Variants in PCF11 observed in about 807,000 individuals in gnomAD.
PCF11 encodes pre-mRNA cleavage complex 2 protein Pcf11.
A neutral mutation model predicts 166.1 loss-of-function variants in PCF11; 19 were observed. The observed-to-expected ratio is 0.11, with a 90% confidence interval of 0.08 to 0.17. The LOEUF is 0.17. Among genes scored for constraint, PCF11 ranks in the 10% least tolerant of loss-of-function variants. The pLI, the probability that PCF11 is intolerant of heterozygous loss-of-function variation, is 1.00. For missense variants in PCF11, 1,565 were observed against 1,855.5 expected, an observed-to-expected ratio of 0.84 and a Z score of 2.88; for synonymous variants, 663 against 644.1, an observed-to-expected ratio of 1.03 and a Z score of -0.44.
At chr11:83,183,182 G>C in intron 15 of PCF11, 109 bp downstream of exon 15, 1 of 625,664 alleles carries the variant, frequency 1.6e-6, no homozygotes, top group African/African-American at 2.0e-5. Flanking sequence ...TTAATATATT[G>C]AACTGTTTTT....
chr11:83,183,540 G>C (rs539800555), intron 15 of PCF11, among the ~76,000 whole-genome samples: 45 of 152,028 alleles, frequency 3.0e-4, no homozygotes, highest in Non-Finnish European at 5.7e-4. Context: ...GCCCAGGCTG[G>C]AGTGCAATGG....
chr11:83,184,488 A>C, intron 15 of PCF11, 191 bp from the exon 16 acceptor site: 1 of 563,012 alleles, frequency 1.8e-6, no homozygotes, highest in Non-Finnish European at 3.1e-6. Flanking sequence ...TGCTGAGTAC[A>C]TATTGAACGT....
exon 16 of PCF11, chr11:83,184,983 A>G: frequency 9.0e-6 from 7 of 776,188 alleles, no homozygotes; most frequent in South Asian, 3.8e-5. Context: ...ATATAGACAT[A>G]TCTATATAAA....
chr11:83,157,766 A>T, intron 1 of PCF11, 135 bp downstream of exon 1: 1 of 783,368 alleles, frequency 1.3e-6, no homozygotes, highest in Non-Finnish European at 2.1e-6. Flanking sequence ...CCTCCAACTC[A>T]GGCTCGGTCT....
exon 1 of PCF11, chr11:83,157,153 A>T: frequency 1.8e-6 from 1 of 570,314 alleles, no homozygotes; most frequent in Non-Finnish European, 3.1e-6. Flanking sequence ...GGTTGGGAAC[A>T]CAGACATTTT....
At position 83,167,821 on chromosome 11, in the gene PCF11, C is replaced by G; in HGVS notation, c.2092+316C>G. 1 of 1,333,150 alleles carries G rather than the reference C, an allele frequency of 7.5e-7. No individual in the cohort carries two copies. Among genetic ancestry groups the G allele is most frequent in the Non-Finnish European group, 9.8e-7 (1 of 1,017,978 alleles). 82.6% of individuals were successfully genotyped at this position (1,333,150 alleles called of 1,614,324 possible). ...AGAGCAAGACGTCTTTCTCCTATAT[C>G]TGGGAGTCGTACTTATGCTGAGAAT... On this transcript the variant is annotated intron_variant, in intron 7 of 15. Transcript: ENST00000298281. The surrounding 1 kb of genome is among the most constrained non-coding windows in gnomAD (Gnocchi z 4.2).
exon 5 of PCF11, chr11:83,166,133 C>T (rs773499633): frequency 1.3e-5 from 21 of 1,610,464 alleles, no homozygotes; most frequent in South Asian, 8.9e-5. Flanking sequence ...AGGATAAGAC[C>T]GATGGCAAAG....
intron 12 of PCF11, among the ~76,000 whole-genome samples, chr11:83,181,469 T>A (rs1269346003): frequency 6.6e-6 from 1 of 151,200 alleles, no homozygotes; most frequent in Non-Finnish European, 1.5e-5. Context: ...TCCAAGGCTT[T>A]GACCCCTGGA....
At chr11:83,186,394 TATG>T (rs1861292777) in exon 16 of PCF11, 1 of 152,244 alleles carries the variant, frequency 6.6e-6, no homozygotes, top group African/African-American at 2.4e-5. Context: ...TTGAATAGAT[TATG>T]ATGAGCCATT....
At position 83,167,922 on chromosome 11, in the gene PCF11, T is replaced by C. The variant is rs1283982833; in HGVS notation, c.2092+417T>C. On this transcript the variant is annotated intron_variant, in intron 7 of 15. Coordinates refer to ENST00000298281, the Ensembl canonical transcript of PCF11. The surrounding 1 kb of genome is among the most constrained non-coding windows in gnomAD (Gnocchi z 4.2). Reference sequence around the variant, plus strand: ...AGGTAGAAAAAGTTAAATCAGATTATGCCTATTGAATCACACAGCAGTGAA... The same window carrying C: ...AGGTAGAAAAAGTTAAATCAGATTACGCCTATTGAATCACACAGCAGTGAA... 1 of 1,282,160 alleles carries C rather than the reference T, an allele frequency of 7.8e-7. No homozygotes were observed. The highest frequency in any genetic ancestry group is 2.4e-5 in the Admixed American group (1 of 42,430). 79.4% of individuals were successfully genotyped at this position (1,282,160 alleles called of 1,614,324 possible). A position where few individuals can be genotyped will look rare whatever the true frequency, so the allele number is the denominator to read the frequency against.
At chr11:83,176,015 CCT>C (rs375542992) in intron 9 of PCF11, among the ~76,000 whole-genome samples, 176 of 152,300 alleles carry the variant, frequency 1.2e-3, no homozygotes, top group African/African-American at 4.0e-3. Flanking sequence ...GATTCATCTC[CCT>C]GTTTCAGTTT....
intron 5 of PCF11, 52 bp downstream of exon 5, chr11:83,166,766 A>G: frequency 6.8e-7 from 1 of 1,461,626 alleles, no homozygotes; most frequent in South Asian, 1.4e-5. Flanking sequence ...GTTTCAAAAG[A>G]TAGTGTTAAT....
Position 83,177,587 on chromosome 11 carries a change from C to G in PCF11, c.3878-127C>G, listed in dbSNP as rs374863098. 1.5e-4 allele frequency: 67 copies of G among 447,900 alleles called. 1 individual carries two copies. The highest frequency in any genetic ancestry group is 1.1e-3 in the South Asian group (15 of 14,126). The allele number at this position is 447,900 out of a possible 1,614,324, so 27.7% of individuals were successfully genotyped here. On this transcript the variant is annotated intron_variant, in intron 10 of 15. Coordinates refer to ENST00000298281, the Ensembl canonical transcript of PCF11. ...TGTATTAGGTTCCTTGGCCAGTAAA[C>G]TTGAGATCAGAAGCACTGAATGGAC...
Position 83,166,297 on chromosome 11 carries a change from A to T in PCF11, c.1400A>T (p.Gln467Leu), listed in dbSNP as rs577705098. The T allele has an allele frequency of 1.4e-5, 23 of 1,613,590 alleles. No individual in the cohort carries two copies. In the East Asian group the frequency reaches 3.3e-4, roughly 23 times the overall value. ...ACAATAACAGAAGAGTCAGAAAAAC[A>T]GGGGACAAAACCAGGGAGATCGAGT... The change falls in exon 5 of 16, where the codon CAG (glutamine) becomes CTG (leucine). Residue 467 changes from glutamine (Q) to leucine (L), a missense_variant. Gln to Leu is a moderately radical substitution (Grantham distance 113). This residue lies in a region of PCF11 where 468 missense variants were observed against 483.4 expected (regional missense o/e 0.97). Coordinates refer to ENST00000298281, the Ensembl canonical transcript of PCF11.
chr11:83,186,624 CA>C (rs1342227034), exon 16 of PCF11: 3 of 152,148 alleles, frequency 2.0e-5, no homozygotes, highest in Non-Finnish European at 4.4e-5. Flanking sequence ...AAATTTTAAA[CA>C]GGGTGACATC....
chr11:83,184,996 G>A (rs1861231764), exon 16 of PCF11: 2 of 713,724 alleles, frequency 2.8e-6, no homozygotes, highest in Non-Finnish European at 4.5e-6. Flanking sequence ...TATATAAATT[G>A]TCTGGCTGAG....
At chr11:83,184,520 G>T in intron 15 of PCF11, 159 bp from the exon 16 acceptor site, 1 of 612,154 alleles carries the variant, frequency 1.6e-6, no homozygotes, top group South Asian at 1.9e-5. Flanking sequence ...TTTATTTCTG[G>T]TTGTCTTTAT....
At chr11:83,178,875 T>C (rs926135348) in intron 11 of PCF11, among the ~76,000 whole-genome samples, 43 of 152,200 alleles carry the variant, frequency 2.8e-4, no homozygotes, top group African/African-American at 9.6e-4. Flanking sequence ...AATTAGAACA[T>C]ACTATAAATA....
At chr11:83,184,706 C>T in exon 16 of PCF11, 2 of 1,611,986 alleles carry the variant, frequency 1.2e-6, no homozygotes, top group Non-Finnish European at 1.7e-6. Flanking sequence ...TACACCATCT[C>T]CCAGCAAGAC....
Sources: allele counts gnomAD v4.1 joint callset (sites outside exome capture counted in the v4.1 genomes callset), GRCh38; gene constraint gnomAD v4.1.1; regional missense constraint gnomAD v4.1.1; non-coding constraint Gnocchi (gnomAD v3.1); transcripts MANE v1.5; gene names NCBI Gene and HGNC (gene_info 2026-07-23, HGNC 2026-07-21).